RHBDD3: variants seen among roughly 807,000 people sequenced by gnomAD.
RHBDD3 encodes the protein rhomboid domain containing 3.
RHBDD3 carries 34 observed loss-of-function variants against 32.3 expected under a neutral mutation model. The ratio of observed to expected loss-of-function variants is 1.05; its 90% confidence interval spans 0.80 to 1.40. The LOEUF (loss-of-function observed/expected upper bound fraction) is 1.40. Among genes scored for constraint, RHBDD3 ranks in the 40% most tolerant of loss-of-function variants. The pLI, the probability that RHBDD3 is intolerant of heterozygous loss-of-function variation, is 0.00. For synonymous variants in RHBDD3, 249 were observed against 239.1 expected (o/e 1.04, Z -0.38); for missense variants, 482 against 492.6 (o/e 0.98, Z 0.20).
In RHBDD3 at chr22:29,260,777, C is replaced by T. The variant is rs1279764159; in HGVS notation, c.620G>A (p.Gly207Glu). 2 of 1,605,140 alleles carry T rather than the reference C, an allele frequency of 1.2e-6. No individual in the cohort carries two copies. Among genetic ancestry groups the T allele is most frequent in the East Asian group, 4.5e-5 (2 of 44,678 alleles). ...GGCAAGGAGCCTCAGGGGCCAGCACCCCGCCAAGGTCCTGCACAAGACGCC... is the reference window on the plus strand; with the variant it reads ...GGCAAGGAGCCTCAGGGGCCAGCACTCCGCCAAGGTCCTGCACAAGACGCC... ...QEGVLCRTLAGCWPLRLLATP... is the reference protein window; with the variant it reads ...QEGVLCRTLAECWPLRLLATP... Residue 207 changes from glycine (G) to glutamate (E), a missense_variant, in exon 5 of 7, where the codon GGG (glycine) becomes GAG (glutamate). By Grantham distance (98) the Gly-to-Glu change is moderately conservative. Transcript: ENST00000216085.
chr22:29,260,190 A>G lies in RHBDD3; in HGVS notation c.1031T>C (p.Val344Ala). 1.3e-6 allele frequency: 2 copies of G among 1,592,356 alleles called. No homozygotes were observed. Among genetic ancestry groups the G allele is most frequent in the Non-Finnish European group, 1.7e-6 (2 of 1,169,770 alleles). The change falls in exon 7 of 7, where the codon GTG becomes GCG. Residue 344 changes from valine (V) to alanine (A), a missense_variant. Transcript: ENST00000216085. ...RMGFPTEQAV[V>A]ALAATGRVEG... ...CACACGGCCTGTGGCTGCCAGTGCC[A>G]CCACCGCCTGCTCCGTAGGGAAGCC...
At position 29,260,103 on chromosome 22, in the gene RHBDD3, C is replaced by T; in HGVS notation, c.1118G>A (p.Gly373Glu). 1 of 1,581,080 alleles carries T rather than the reference C, an allele frequency of 6.3e-7. No homozygotes were observed. Among genetic ancestry groups the T allele is most frequent in the Non-Finnish European group, 8.6e-7 (1 of 1,163,924 alleles). ...CTCGGAGTGGGCAGGCCCACCCTTTCCATGGGTCACCAGGGTCTCAGTGCC... is the reference window on the plus strand; with the variant it reads ...CTCGGAGTGGGCAGGCCCACCCTTTTCATGGGTCACCAGGGTCTCAGTGCC... ...QVGTETLVTHGKGGPAHSEGP... is the reference protein window; with the variant it reads ...QVGTETLVTHEKGGPAHSEGP... Residue 373 changes from glycine (G) to glutamate (E), a missense_variant, in exon 7 of 7, where the codon GGA becomes GAA. Coordinates refer to ENST00000216085, the MANE Select transcript of RHBDD3 (RefSeq NM_012265.3).
Position 29,260,220 on chromosome 22 carries a change from C to T in RHBDD3, c.1001G>A (p.Arg334His), listed in dbSNP as rs200541582. ...CGCCTGCTCCGTAGGGAAGCCCATG[C>T]GCTCCAGCTGCTGCAGCCTGTTGGG... ...VSSLRLQQLE[R>H]MGFPTEQAVV... The change falls in exon 7 of 7, where the codon CGC (arginine) becomes CAC (histidine). Residue 334 changes from arginine (R) to histidine (H), a missense_variant. Transcript: ENST00000216085. 45 of 1,599,384 alleles carry T rather than the reference C, an allele frequency of 2.8e-5. No individual in the cohort carries two copies. In the East Asian group the frequency reaches 5.4e-4, roughly 19 times the overall value.
chr22:29,262,762 A>G (rs1445932185), intron 4 of RHBDD3, among the ~76,000 whole-genome samples: 1 of 152,212 alleles, frequency 6.6e-6, no homozygotes, highest in African/African-American at 2.4e-5. Flanking sequence ...GCTGGAGTGC[A>G]GCAGCGCTAT....
upstream of RHBDD3, chr22:29,268,070 C>G (rs2058270993): frequency 1.7e-6 from 1 of 581,168 alleles, no homozygotes; most frequent in East Asian, 2.9e-5. Context: ...TCTCCGGTTT[C>G]ACGCTGAGAC....
At chr22:29,261,006 G>A (rs138506952) in intron 4 of RHBDD3, 142 bp from the exon 5 acceptor site, 26 of 817,174 alleles carry the variant, frequency 3.2e-5, no homozygotes, top group Admixed American at 1.2e-4. Context: ...ATGGAATAGC[G>A]TCACCCTGGT....
Position 29,263,937 on chromosome 22 carries a change from G to A in RHBDD3, c.430C>T (p.Pro144Ser), listed in dbSNP as rs1208792489. The A allele has an allele frequency of 6.5e-7, 1 of 1,550,066 alleles. No individual in the cohort carries two copies. Among genetic ancestry groups the A allele is most frequent in the East Asian group, 2.4e-5 (1 of 40,974 alleles). ...AGCAGCCACGGCGACAGCCACGGTG[G>A]CAGTGCCCCACGGGGCCGTCTAGGG... ...HRPRRPRGAL[P>S]PWLSPWLLLA... Residue 144 changes from proline (P) to serine (S), a missense_variant, in exon 4 of 7, where the codon CCA becomes TCA. Pro to Ser is a moderately conservative substitution (Grantham distance 74). Coordinates refer to ENST00000216085, the MANE Select transcript of RHBDD3 (RefSeq NM_012265.3).
At chr22:29,266,289 ATGCGCTC>A (rs2058177469) in intron 2 of RHBDD3, among the ~76,000 whole-genome samples, 1 of 152,222 alleles carries the variant, frequency 6.6e-6, no homozygotes, top group East Asian at 1.9e-4. Flanking sequence ...AGGGTACAGT[ATGCGCTC>A]CACCTCTTTC....
In RHBDD3 at chr22:29,264,133, C is replaced by A; in HGVS notation, c.234G>T (p.Trp78Cys). 1 of 1,584,666 alleles carries A rather than the reference C, an allele frequency of 6.3e-7. No individual in the cohort carries two copies. The highest frequency in any genetic ancestry group is 8.6e-7 in the Non-Finnish European group (1 of 1,166,824). ...GCGTGCCCAGGTGGCACTCCTGCTG[C>A]CAGCCCACAGTGGGCAGGAGCAGCA... ...LSLLLLPTVG[W>C]QQECHLGTLR... Residue 78 changes from tryptophan to cysteine, a missense_variant, in exon 4 of 7, where the codon TGG becomes TGT. By Grantham distance (215) the Trp-to-Cys change is radical. Transcript: ENST00000216085.
Position 29,263,955 on chromosome 22 carries a change from G to C in RHBDD3, c.412C>G (p.Arg138Gly). 1 of 1,550,452 alleles carries C rather than the reference G, an allele frequency of 6.4e-7. No homozygotes were observed. The highest frequency in any genetic ancestry group is 8.7e-7 in the Non-Finnish European group (1 of 1,147,168). The part of the protein sequence containing the change: ...MLAGEGHRPR[R>G]PRGALPPWLS... The stretch of plus-strand genomic sequence containing the variant: ...CACGGTGGCAGTGCCCCACGGGGCC[G>C]TCTAGGGCGGTGTCCCTCCCCAGCC... Residue 138 changes from arginine to glycine, a missense_variant, in exon 4 of 7, where the codon CGG becomes GGG. Physicochemically the swap from Arg to Gly is moderately radical, Grantham distance 125. Transcript: ENST00000216085.
At position 29,260,064 on chromosome 22, in the gene RHBDD3, G is replaced by A. The variant is rs1376426674; in HGVS notation, c.1157C>T (p.Pro386Leu). 1.3e-6 allele frequency: 2 copies of A among 1,560,064 alleles called. No homozygotes were observed. Among genetic ancestry groups the A allele is most frequent in the South Asian group, 2.4e-5 (2 of 84,786 alleles). ...GTGCCCCACTCTCTGCCTGGGCTAGGGAGGCCCAGGACCCTCGGAGTGGGC... is the reference window on the plus strand; with the variant it reads ...GTGCCCCACTCTCTGCCTGGGCTAGAGAGGCCCAGGACCCTCGGAGTGGGC... Reference protein sequence around the residue: ...GPAHSEGPGPP With the variant: ...GPAHSEGPGPL The change falls in exon 7 of 7, where the codon CCC becomes CTC. Residue 386 changes from proline to leucine, a missense_variant. By Grantham distance (98) the Pro-to-Leu change is moderately conservative. Transcript: ENST00000216085.
chr22:29,263,114 G>C (rs1316756336), intron 4 of RHBDD3, among the ~76,000 whole-genome samples: 1 of 152,056 alleles, frequency 6.6e-6, no homozygotes, highest in African/African-American at 2.4e-5. Flanking sequence ...GCATGTTCTC[G>C]GCTCATTGCA....
Position 29,265,486 on chromosome 22 carries a change from G to T in RHBDD3, c.141C>A (p.Pro47=). Residue 47 remains proline, a synonymous_variant, in exon 3 of 7, where the codon CCC becomes CCA. Coordinates refer to ENST00000216085, the MANE Select transcript of RHBDD3 (RefSeq NM_012265.3). ...LVLAPELLLD[P]WQVHRLLTHA... The stretch of plus-strand genomic sequence containing the variant: ...CACGTGGCTGGCCCTCACCCTGCCA[G>T]GGGTCCAGCAACAGCTCCGGGGCCA... 6.5e-7 allele frequency: 1 copy of T among 1,531,404 alleles called. No homozygotes were observed. The allele number at this position is 1,531,404 out of a possible 1,614,324, so 94.9% of individuals were successfully genotyped here.
chr22:29,260,564 G>A lies in RHBDD3; in HGVS notation c.745C>T (p.His249Tyr). ...GGGGGCAGGGCTGAGTCTTCCCAGTGGGACCAGAGGTCAGGGGAGGCCACA... is the reference window on the plus strand; with the variant it reads ...GGGGGCAGGGCTGAGTCTTCCCAGTAGGACCAGAGGTCAGGGGAGGCCACA... The part of the protein sequence containing the change: ...PYVASPDLWS[H>Y]WEDSALPPPS... Residue 249 changes from histidine to tyrosine, a missense_variant, in exon 6 of 7, where the codon CAC becomes TAC. By Grantham distance (83) the His-to-Tyr change is moderately conservative. Coordinates refer to ENST00000216085, the MANE Select transcript of RHBDD3 (RefSeq NM_012265.3). The A allele has an allele frequency of 6.2e-7, 1 of 1,600,202 alleles. No homozygotes were observed. The highest frequency in any genetic ancestry group is 2.2e-5 in the East Asian group (1 of 44,572).
In RHBDD3 at chr22:29,263,917, C is replaced by T. The variant is rs1313093877; in HGVS notation, c.450G>A (p.Trp150Ter). 3.2e-6 allele frequency: 5 copies of T among 1,549,674 alleles called. No homozygotes were observed. Among genetic ancestry groups the T allele is most frequent in the Non-Finnish European group, 3.5e-6 (4 of 1,147,018 alleles). Residue 150 changes from tryptophan to a stop codon, truncating the protein, a stop_gained, in exon 4 of 7, where the codon TGG becomes TGA. Transcript: ENST00000216085. LOFTEE classifies it high-confidence loss of function. ...RGALPPWLSP[W>*]LLLALTPLLS... Reference sequence around the variant, plus strand: ...GCAGTGGGGTCAGGGCAAGCAGCAGCCACGGCGACAGCCACGGTGGCAGTG... The same window carrying T: ...GCAGTGGGGTCAGGGCAAGCAGCAGTCACGGCGACAGCCACGGTGGCAGTG...
intron 2 of RHBDD3, among the ~76,000 whole-genome samples, chr22:29,266,517 C>T (rs1157035070): frequency 2.0e-5 from 3 of 152,242 alleles, no homozygotes; most frequent in Non-Finnish European, 2.9e-5. Context: ...TCATGGCAGG[C>T]GTCTGTAGCC....
In RHBDD3 at chr22:29,260,416, T is replaced by C. The variant is rs760770358; in HGVS notation, c.893A>G (p.Gln298Arg). The C allele has an allele frequency of 6.2e-7, 1 of 1,612,394 alleles. No homozygotes were observed. Among genetic ancestry groups the C allele is most frequent in the Non-Finnish European group, 8.5e-7 (1 of 1,179,706 alleles). Residue 298 changes from glutamine to arginine, a missense_variant, in exon 6 of 7, where the codon CAG becomes CGG. Gln to Arg is a conservative substitution (Grantham distance 43, BLOSUM62 1). Transcript: ENST00000216085. ...MWAALDEQML[Q>R]EGIQASLLDG... Reference sequence around the variant, plus strand: ...AAGAAGCGAGGCCTGGATGCCCTCCTGCAGCATCTGCTCATCCAAGGCCGC... The same window carrying C: ...AAGAAGCGAGGCCTGGATGCCCTCCCGCAGCATCTGCTCATCCAAGGCCGC...
chr22:29,263,279 G>A (rs935325364), intron 4 of RHBDD3, among the ~76,000 whole-genome samples: 24 of 152,126 alleles, frequency 1.6e-4, no homozygotes, highest in African/African-American at 5.3e-4. Flanking sequence ...TCCTGACCTC[G>A]TGATCCGCCC....
chr22:29,261,418 C>A (rs762200110), intron 4 of RHBDD3: 34 of 445,110 alleles, frequency 7.6e-5, no homozygotes, highest in Non-Finnish European at 1.4e-4. Flanking sequence ...GCAACATAGA[C>A]CCCGTCTCTA....
Sources: allele counts gnomAD v4.1 joint callset (sites outside exome capture counted in the v4.1 genomes callset), GRCh38; gene constraint gnomAD v4.1.1; transcripts MANE v1.5; gene names NCBI Gene and HGNC (gene_info 2026-07-23, HGNC 2026-07-21).